Variants in CD226 observed in about 807,000 individuals in gnomAD.
The protein encoded by CD226 is CD226 molecule.
CD226 carries 24 observed loss-of-function variants against 34.9 expected under a neutral mutation model. The observed-to-expected ratio is 0.69, with a 90% CI of 0.50 to 0.97. CD226 has a LOEUF of 0.97. CD226 is among the 50% of genes least tolerant of loss of function. The pLI is 0.00. For missense variants in CD226, 397 were observed against 412.7 expected, an observed-to-expected ratio of 0.96 and a Z score of 0.33; for synonymous variants, 148 against 147.4, an observed-to-expected ratio of 1.00 and a Z score of -0.03.
chr18:69,856,288 G>C lies in CD226; in HGVS notation c.*8026C>G, dbSNP rs1982607496. 6.6e-6 allele frequency: 1 copy of C among 152,086 alleles called. No individual in the cohort carries two copies. The highest frequency in any genetic ancestry group is 6.5e-5 in the Admixed American group (1 of 15,276). The allele number at this position is 152,086 out of a possible 1,614,324, so 9.4% of individuals were successfully genotyped here. A position where few individuals can be genotyped will look rare whatever the true frequency, so the allele number is the denominator to read the frequency against. Reference sequence around the variant, plus strand: ...GTATATGTACTAACAAGAGTATCAAGATACATGAGACAAAAACTAACAAAA... The same window carrying C: ...GTATATGTACTAACAAGAGTATCAACATACATGAGACAAAAACTAACAAAA... On this transcript the variant is annotated 3_prime_UTR_variant, in exon 6 of 6. Coordinates refer to ENST00000582621, the MANE Select transcript of CD226 (RefSeq NM_001303618.2).
Position 69,855,096 on chromosome 18 carries a change from C to T in CD226, c.*9218G>A, listed in dbSNP as rs372678980. ...TTACCTGTTCCTATTACATAACACA[C>T]CAGATCTGGCTTGCAACAAAAAATT... is the stretch of plus-strand genomic sequence containing the variant. On this transcript the variant is annotated 3_prime_UTR_variant, in exon 6 of 6. Coordinates refer to ENST00000582621, the MANE Select transcript of CD226 (RefSeq NM_001303618.2). 1.0e-4 allele frequency: 15 copies of T among 149,970 alleles called. No homozygotes were observed. The highest frequency in any genetic ancestry group is 3.4e-4 in the African/African-American group (14 of 41,068). The allele number at this position is 149,970 out of a possible 1,614,324, so 9.3% of individuals were successfully genotyped here. A position where few individuals can be genotyped will look rare whatever the true frequency, so the allele number is the denominator to read the frequency against.
chr18:69,903,142 T>C (rs192507210), intron 2 of CD226, among the ~76,000 whole-genome samples: 1 of 152,262 alleles, frequency 6.6e-6, no homozygotes, highest in African/African-American at 2.4e-5. Flanking sequence ...GAGGACATAC[T>C]GAGGACAGAA....
chr18:69,909,734 T>G (rs1387641722), intron 2 of CD226, among the ~76,000 whole-genome samples: 1 of 152,208 alleles, frequency 6.6e-6, no homozygotes, highest in Non-Finnish European at 1.5e-5. Flanking sequence ...AAGGAGATAA[T>G]AATACATGTA....
At chr18:69,933,378 T>C (rs1473559286) in intron 2 of CD226, among the ~76,000 whole-genome samples, 1 of 152,208 alleles carries the variant, frequency 6.6e-6, no homozygotes, top group African/African-American at 2.4e-5. Flanking sequence ...GTATGCGATG[T>C]TTCTTGTGAT....
At chr18:69,906,878 C>T (rs1568185281) in intron 2 of CD226, among the ~76,000 whole-genome samples, 1 of 152,168 alleles carries the variant, frequency 6.6e-6, no homozygotes, top group Non-Finnish European at 1.5e-5. Flanking sequence ...TCTACGGACA[C>T]CTCCTGGGAC....
At chr18:69,918,383 T>C (rs1242121203) in intron 2 of CD226, among the ~76,000 whole-genome samples, 1 of 151,938 alleles carries the variant, frequency 6.6e-6, no homozygotes, top group African/African-American at 2.4e-5. Context: ...TGAAACCCCA[T>C]CACTACTAAA....
intron 2 of CD226, among the ~76,000 whole-genome samples, chr18:69,946,229 C>T (rs1287465124): frequency 1.2e-5 from 1 of 80,206 alleles, no homozygotes; most frequent in Non-Finnish European, 2.7e-5. Flanking sequence ...GAAAGAAAGA[C>T]AGGAAAGAAA....
chr18:69,951,640 A>C (rs185665176), upstream of CD226, among the ~76,000 whole-genome samples: 1 of 152,156 alleles, frequency 6.6e-6, no homozygotes, highest in Non-Finnish European at 1.5e-5. Context: ...AAATGGTATT[A>C]AAAAAGAAGA....
rs1985449090 is a variant in CD226, at chr18:69,898,837, C to T, written c.383-2792G>A. ...CTCAAAATGACCTTGAAAAGAACTGCCAGAAAGAGCCCACACAAACAAGAG... is the reference window on the plus strand; with the variant it reads ...CTCAAAATGACCTTGAAAAGAACTGTCAGAAAGAGCCCACACAAACAAGAG... On this transcript the variant is annotated intron_variant, in intron 2 of 5. Transcript: ENST00000582621. 2.0e-5 allele frequency among the ~76,000 whole-genome samples: 3 copies of T among 152,098 alleles called. No homozygotes were observed. In the South Asian group the frequency reaches 6.2e-4, roughly 32 times the overall value.
chr18:69,870,432 G>A (rs896719249), intron 4 of CD226, among the ~76,000 whole-genome samples: 4 of 151,148 alleles, frequency 2.6e-5, no homozygotes, highest in Non-Finnish European at 4.4e-5. Context: ...CCACCACCAC[G>A]CCCAGCCAAT....
At chr18:69,870,187 A>T (rs1983425949) in intron 4 of CD226, among the ~76,000 whole-genome samples, 2 of 152,072 alleles carry the variant, frequency 1.3e-5, no homozygotes, top group Non-Finnish European at 2.9e-5. Context: ...GGAATGTAAA[A>T]ATATATATCT....
chr18:69,955,818 G>A (rs988935954), intron 1 of CD226, among the ~76,000 whole-genome samples: 11 of 125,094 alleles, frequency 8.8e-5, no homozygotes, highest in African/African-American at 2.7e-4. Flanking sequence ...AGCCGACATC[G>A]CACCACTGCA....
At chr18:69,868,347 G>T in intron 4 of CD226, among the ~76,000 whole-genome samples, 1 of 152,176 alleles carries the variant, frequency 6.6e-6, no homozygotes, top group Non-Finnish European at 1.5e-5. Flanking sequence ...TTAAGGTGAG[G>T]TTGTAATTCC....
intron 3 of CD226, among the ~76,000 whole-genome samples, chr18:69,891,562 G>T (rs1239583735): frequency 6.6e-6 from 1 of 152,128 alleles, no homozygotes; most frequent in African/African-American, 2.4e-5. Flanking sequence ...GTTTGCCGAT[G>T]ACATAATCAT....
chr18:69,917,139 A>C (rs2055396025), intron 2 of CD226, among the ~76,000 whole-genome samples: 1 of 152,236 alleles, frequency 6.6e-6, no homozygotes, highest in Non-Finnish European at 1.5e-5. Context: ...GTACAGCCAG[A>C]GTAATCTTTG....
intron 2 of CD226, among the ~76,000 whole-genome samples, chr18:69,901,858 G>A (rs371922156): frequency 6.7e-5 from 10 of 149,738 alleles, no homozygotes; most frequent in African/African-American, 1.2e-4. Context: ...CAGCCTGGGC[G>A]ACAGAGCAAG....
chr18:69,952,434 AAAT>A (rs1436272424), upstream of CD226, among the ~76,000 whole-genome samples: 1 of 152,230 alleles, frequency 6.6e-6, no homozygotes, highest in Non-Finnish European at 1.5e-5. Context: ...ATACAAATAA[AAAT>A]AATAATAAGC....
In CD226 at chr18:69,862,015, T is replaced by C. The variant is rs1342940585; in HGVS notation, c.*2299A>G. Reference sequence around the variant, plus strand: ...GGACAGAGTAAATAGTTCTCATCAATATTTTGAATGAGAGACCAAAAACAC... The same window carrying C: ...GGACAGAGTAAATAGTTCTCATCAACATTTTGAATGAGAGACCAAAAACAC... On this transcript the variant is annotated 3_prime_UTR_variant, in exon 6 of 6. Coordinates refer to ENST00000582621, the MANE Select transcript of CD226 (RefSeq NM_001303618.2). The C allele has an allele frequency of 6.6e-6, 1 of 152,142 alleles. No individual in the cohort carries two copies. Among genetic ancestry groups the C allele is most frequent in the Non-Finnish European group, 1.5e-5 (1 of 68,008 alleles). The allele number at this position is 152,142 out of a possible 1,614,324, so 9.4% of individuals were successfully genotyped here. A position where few individuals can be genotyped will look rare whatever the true frequency, so the allele number is the denominator to read the frequency against.
upstream of CD226, among the ~76,000 whole-genome samples, chr18:69,948,402 T>C (rs893386852): frequency 6.6e-6 from 1 of 152,272 alleles, no homozygotes; most frequent in African/African-American, 2.4e-5. Flanking sequence ...ACTGTCAAAA[T>C]AGAAGATGAG....
Sources: allele counts gnomAD v4.1 joint callset (sites outside exome capture counted in the v4.1 genomes callset), GRCh38; gene constraint gnomAD v4.1.1; transcripts MANE v1.5; gene names NCBI Gene and HGNC (gene_info 2026-07-23, HGNC 2026-07-21).